Variants in GRIA4 observed in about 807,000 individuals in gnomAD.
GRIA4 encodes glutamate ionotropic receptor AMPA type subunit 4.
Under a neutral mutation model 104.0 loss-of-function variants are expected in GRIA4, and 34 were observed. That is an observed-to-expected ratio of 0.33 (90% confidence interval 0.25 to 0.44). The LOEUF is 0.44. GRIA4 is among the 20% of genes least tolerant of loss of function. GRIA4 has a pLI of 1.00. For synonymous variants in GRIA4, 386 were observed against 381.9 expected (o/e 1.01, Z -0.13); for missense variants, 750 against 1,096.5 (o/e 0.68, Z 4.46).
At chr11:105,644,477 G>C (rs574700161) in intron 3 of GRIA4, among the ~76,000 whole-genome samples, 1 of 151,410 alleles carries the variant, frequency 6.6e-6, no homozygotes, top group African/African-American at 2.4e-5. Flanking sequence ...GGTGATAGGC[G>C]CCTGTAGTCC....
intron 14 of GRIA4, among the ~76,000 whole-genome samples, chr11:105,968,546 C>T (rs1858513960): frequency 6.6e-6 from 1 of 152,154 alleles, no homozygotes; most frequent in Admixed American, 6.5e-5. Flanking sequence ...AGAGGCTTCA[C>T]CTTGAAAGGT....
chr11:105,960,787 G>C (rs998577182), intron 14 of GRIA4, among the ~76,000 whole-genome samples: 30 of 152,190 alleles, frequency 2.0e-4, no homozygotes, highest in Non-Finnish European at 3.7e-4. Flanking sequence ...CCCATCTGTG[G>C]GTTGCACAGT....
chr11:105,974,509 A>G lies in GRIA4; in HGVS notation c.2544+65A>G, dbSNP rs370753398. 6.2e-6 allele frequency: 10 copies of G among 1,613,468 alleles called. No individual in the cohort carries two copies. In the African/African-American group the frequency reaches 6.7e-5, roughly 11 times the overall value. ...CAGAATACCCAGAATTTAGCAACCT[A>G]TAGAGAAGGTTACAACGTATATGGA... is the stretch of plus-strand genomic sequence containing the variant. On this transcript the variant is annotated intron_variant, in intron 16 of 16. Coordinates refer to ENST00000282499, the MANE Select transcript of GRIA4 (RefSeq NM_000829.4).
intron 5 of GRIA4, among the ~76,000 whole-genome samples, chr11:105,873,884 A>C (rs946880128): frequency 6.6e-6 from 1 of 152,008 alleles, no homozygotes; most frequent in Non-Finnish European, 1.5e-5. Flanking sequence ...CACTCTGATG[A>C]TAGTTTCTTT....
intron 3 of GRIA4, among the ~76,000 whole-genome samples, chr11:105,735,279 A>C (rs1048221139): frequency 1.3e-5 from 2 of 152,158 alleles, no homozygotes; most frequent in Admixed American, 6.6e-5. Context: ...CAATATAGTG[A>C]ACCATGGATG....
chr11:105,612,224 T>C, intron 2 of GRIA4, 52 bp from the exon 3 acceptor site: 1 of 1,563,020 alleles, frequency 6.4e-7, no homozygotes, highest in Non-Finnish European at 8.8e-7. Flanking sequence ...GGGGTGGGTA[T>C]AATGTTGACA....
intron 7 of GRIA4, among the ~76,000 whole-genome samples, chr11:105,902,516 G>T (rs1946895979): frequency 6.6e-6 from 1 of 151,964 alleles, no homozygotes; most frequent in African/African-American, 2.4e-5. Context: ...TGCAGTTTTT[G>T]TAGGGATGGG....
chr11:105,657,690 A>G (rs192387260), intron 3 of GRIA4, among the ~76,000 whole-genome samples: 9 of 152,094 alleles, frequency 5.9e-5, no homozygotes, highest in Admixed American at 3.3e-4. Flanking sequence ...TCTGATTGCT[A>G]CAACACTTTT....
intron 3 of GRIA4, among the ~76,000 whole-genome samples, chr11:105,653,698 AG>A (rs1382584013): frequency 2.6e-5 from 4 of 152,098 alleles, no homozygotes; most frequent in African/African-American, 9.7e-5. Flanking sequence ...TAAACATAAT[AG>A]GGTCAGTGCT....
intron 14 of GRIA4, 107 bp from the exon 15 acceptor site, chr11:105,971,807 T>C: frequency 1.5e-6 from 1 of 660,402 alleles, no homozygotes; most frequent in Middle Eastern, 4.5e-4. Context: ...ACATAGCACC[T>C]ACTGTGGCCT....
Position 105,924,654 on chromosome 11 carries a change from C to T in GRIA4, c.1732C>T (p.Pro578Ser). ...FSPYEWHTEE[P>S]EDGKEGPSDQ... ...TCCATATGAGTGGCACACAGAAGAGCCAGAGGACGGAAAGGAAGGACCCAG... is the reference window on the plus strand; with the variant it reads ...TCCATATGAGTGGCACACAGAAGAGTCAGAGGACGGAAAGGAAGGACCCAG... Residue 578 changes from proline (P) to serine (S), a missense_variant, in exon 12 of 17, where the codon CCA becomes TCA. By Grantham distance (74) the Pro-to-Ser change is moderately conservative. Around this residue, in one of 3 missense-constraint regions of GRIA4, gnomAD observed 272 missense variants for 524.5 expected, o/e 0.52. Transcript: ENST00000282499. 1.2e-6 allele frequency: 2 copies of T among 1,613,002 alleles called. No individual in the cohort carries two copies. The highest frequency in any genetic ancestry group is 2.2e-5 in the South Asian group (2 of 91,048).
intron 4 of GRIA4, among the ~76,000 whole-genome samples, chr11:105,785,601 C>T (rs1941926253): frequency 6.6e-6 from 1 of 152,092 alleles, no homozygotes; most frequent in African/African-American, 2.4e-5. Flanking sequence ...CATGGTCCTT[C>T]CCATGGGAAC....
At chr11:105,643,663 G>C (rs1049176742) in intron 3 of GRIA4, among the ~76,000 whole-genome samples, 5 of 152,134 alleles carry the variant, frequency 3.3e-5, no homozygotes, top group Non-Finnish European at 7.4e-5. Context: ...TTCTAACAAA[G>C]TGTTAGATGC....
intron 14 of GRIA4, among the ~76,000 whole-genome samples, chr11:105,939,765 C>G (rs755702012): frequency 3.3e-5 from 5 of 152,156 alleles, no homozygotes; most frequent in Non-Finnish European, 5.9e-5. Flanking sequence ...AGAACAGCAG[C>G]AAAAGTCAAG....
intron 4 of GRIA4, among the ~76,000 whole-genome samples, chr11:105,755,662 T>C (rs890475651): frequency 1.4e-4 from 22 of 152,192 alleles, no homozygotes; most frequent in African/African-American, 5.1e-4. Context: ...GTCTGTGAGG[T>C]TGCCTCCAGC....
intron 5 of GRIA4, among the ~76,000 whole-genome samples, chr11:105,885,191 T>C (rs1946211225): frequency 6.6e-6 from 1 of 152,170 alleles, no homozygotes; most frequent in African/African-American, 2.4e-5. Flanking sequence ...TAATTACCTT[T>C]TGCACAAGCT....
chr11:105,763,276 C>T (rs1370449612), intron 4 of GRIA4, among the ~76,000 whole-genome samples: 1 of 152,116 alleles, frequency 6.6e-6, no homozygotes, highest in African/African-American at 2.4e-5. Context: ...GATAAGAAGT[C>T]TGGTTTGATT....
intron 4 of GRIA4, among the ~76,000 whole-genome samples, chr11:105,797,193 A>C (rs967484727): frequency 6.6e-6 from 1 of 152,166 alleles, no homozygotes; most frequent in Non-Finnish European, 1.5e-5. Context: ...TGGATGACAG[A>C]GCAAGACCCT....
At chr11:105,915,497 CT>C (rs1947373158) in intron 10 of GRIA4, among the ~76,000 whole-genome samples, 1 of 152,154 alleles carries the variant, frequency 6.6e-6, no homozygotes, top group African/African-American at 2.4e-5. Flanking sequence ...TTAATATTTA[CT>C]TTCCTTTAGA....
Sources: allele counts gnomAD v4.1 joint callset (sites outside exome capture counted in the v4.1 genomes callset), GRCh38; gene constraint gnomAD v4.1.1; regional missense constraint gnomAD v4.1.1; transcripts MANE v1.5; gene names NCBI Gene and HGNC (gene_info 2026-07-23, HGNC 2026-07-21).